The following FRMD4A variants were observed in gnomAD, a reference collection of about 807,000 sequenced individuals.
FRMD4A encodes FERM domain containing 4A.
A neutral mutation model predicts 129.1 loss-of-function variants in FRMD4A; 29 were observed. That is an observed-to-expected ratio of 0.22 (90% CI 0.17 to 0.31). FRMD4A has a LOEUF of 0.31. FRMD4A is among the 10% of genes least tolerant of loss of function. The pLI, the probability that FRMD4A is intolerant of heterozygous loss-of-function variation, is 1.00. For synonymous variants in FRMD4A, 634 were observed against 571.6 expected (o/e 1.11, Z -1.56); for missense variants, 1,272 against 1,375.8 (o/e 0.92, Z 1.19).
chr10:14,145,436 C>T (rs1360865929), intron 2 of FRMD4A, among the ~76,000 whole-genome samples: 5 of 152,158 alleles, frequency 3.3e-5, no homozygotes, highest in African/African-American at 1.2e-4. Context: ...TTTAAGAGGG[C>T]TGTGGACAAT....
chr10:13,893,959 T>C (rs2094729616), intron 2 of FRMD4A, among the ~76,000 whole-genome samples: 1 of 152,178 alleles, frequency 6.6e-6, no homozygotes, highest in South Asian at 2.1e-4. Flanking sequence ...CAATCCTGCC[T>C]CCAGGCTCCC....
chr10:13,810,653 C>T (rs372137454), intron 4 of FRMD4A, among the ~76,000 whole-genome samples, 161 bp downstream of exon 4: 2 of 152,184 alleles, frequency 1.3e-5, no homozygotes, highest in East Asian at 3.8e-4. Context: ...CCAGGCATGA[C>T]CACAAGGCCT....
rs772043730 is a variant in FRMD4A at position 13,701,443 on chromosome 10, C to G, written c.872G>C (p.Gly291Ala). Residue 291 changes from glycine (G) to alanine (A), a missense_variant, in exon 14 of 25, where the codon GGC becomes GCC. Gly to Ala is a moderately conservative substitution (Grantham distance 60). Around this residue, in one of 2 missense-constraint regions of FRMD4A, gnomAD observed 300 missense variants for 483.6 expected, o/e 0.62. Transcript: ENST00000357447. ...SVTRRTFGHS[G>A]IAVHTWYACP... is the part of the protein sequence containing the mutation. ...TGCATACCACGTGTGCACTGCAATG[C>G]CGCTGTGCCCAAACGTCCTCCTTGT... 1.2e-6 allele frequency: 2 copies of G among 1,613,630 alleles called. No homozygotes were observed. Among genetic ancestry groups the G allele is most frequent in the Admixed American group, 3.3e-5 (2 of 60,008 alleles).
chr10:13,732,674 G>A, intron 12 of FRMD4A, among the ~76,000 whole-genome samples: 1 of 152,348 alleles, frequency 6.6e-6, no homozygotes, highest in South Asian at 2.1e-4. Context: ...TCACTCCCTT[G>A]CCTGAGCATC....
intron 2 of FRMD4A, among the ~76,000 whole-genome samples, chr10:14,097,684 T>C (rs1046297769): frequency 5.9e-5 from 9 of 151,658 alleles, no homozygotes; most frequent in Admixed American, 5.3e-4. Flanking sequence ...TTAGTTTATA[T>C]ATAAACTAGT....
chr10:14,051,067 T>C (rs1834233765), intron 2 of FRMD4A, among the ~76,000 whole-genome samples: 1 of 152,210 alleles, frequency 6.6e-6, no homozygotes, highest in Non-Finnish European at 1.5e-5. Context: ...TGATTCCAGA[T>C]AGAAGGTGTC....
intron 8 of FRMD4A, among the ~76,000 whole-genome samples, chr10:13,752,704 C>T (rs1163759707): frequency 6.6e-6 from 1 of 152,154 alleles, no homozygotes. Context: ...ATTTTATGAG[C>T]AGAATCATGA....
chr10:14,321,687 G>A (rs979238489), intron 2 of FRMD4A, among the ~76,000 whole-genome samples: 1 of 152,162 alleles, frequency 6.6e-6, no homozygotes, highest in African/African-American at 2.4e-5. Context: ...TAACACTCTA[G>A]AAAAAGTACA....
rs147425136 is a variant in FRMD4A at position 13,814,043 on chromosome 10, G to A, written c.112-3135C>T. On this transcript the variant is annotated intron_variant, in intron 3 of 24. Coordinates refer to ENST00000357447, the MANE Select transcript of FRMD4A (RefSeq NM_018027.5). Reference sequence around the variant, plus strand: ...TGAGGCTTGTGTCAGATTTGTCAACGCGTTTTCACTGGTGATAAATCTTCC... The same window carrying A: ...TGAGGCTTGTGTCAGATTTGTCAACACGTTTTCACTGGTGATAAATCTTCC... Among the ~76,000 whole-genome samples the A allele has an allele frequency of 4.6e-4, 70 of 152,252 alleles. No homozygotes were observed. In the East Asian group the frequency reaches 0.012, roughly 26 times the overall value.
At chr10:14,219,719 C>T (rs1843185593) in intron 2 of FRMD4A, among the ~76,000 whole-genome samples, 1 of 152,154 alleles carries the variant, frequency 6.6e-6, no homozygotes, top group Non-Finnish European at 1.5e-5. Flanking sequence ...GACTGGGGAA[C>T]TTCAGAAGTG....
chr10:13,677,566 G>C (rs572085492), intron 15 of FRMD4A, among the ~76,000 whole-genome samples: 12 of 152,144 alleles, frequency 7.9e-5, no homozygotes, highest in Non-Finnish European at 1.6e-4. Context: ...AATCCATATA[G>C]TGTCATATTC....
At chr10:13,961,991 T>G (rs958579990) in intron 2 of FRMD4A, among the ~76,000 whole-genome samples, 1 of 152,072 alleles carries the variant, frequency 6.6e-6, no homozygotes, top group African/African-American at 2.4e-5. Context: ...GTCTGGTACA[T>G]AGAGGGTGTT....
chr10:14,281,119 A>T (rs188298784), intron 2 of FRMD4A, among the ~76,000 whole-genome samples: 67 of 148,786 alleles, frequency 4.5e-4, no homozygotes, highest in African/African-American at 1.6e-3. Flanking sequence ...CAGCCCCCCA[A>T]GTAGCTGAGA....
At chr10:13,958,459 A>AT (rs796880376) in intron 2 of FRMD4A, among the ~76,000 whole-genome samples, 1 of 149,602 alleles carries the variant, frequency 6.7e-6, no homozygotes, top group Non-Finnish European at 1.5e-5. Context: ...AATTTTTTGT[A>AT]TTTTTAGTAG....
chr10:14,304,507 C>T (rs139977843), intron 2 of FRMD4A, among the ~76,000 whole-genome samples: 1 of 152,314 alleles, frequency 6.6e-6, no homozygotes, highest in African/African-American at 2.4e-5. Context: ...TGCCATGTTA[C>T]CTGTCAGCAT....
intron 2 of FRMD4A, among the ~76,000 whole-genome samples, chr10:14,050,092 C>T (rs546350047): frequency 1.1e-4 from 16 of 152,262 alleles, no homozygotes; most frequent in South Asian, 2.1e-4. Flanking sequence ...GCTATGCCTC[C>T]GTTTTTTCCA....
intron 2 of FRMD4A, among the ~76,000 whole-genome samples, chr10:14,125,061 G>A (rs4306208): frequency 0.2 from 30,034 of 152,050 alleles, 2,970 homozygotes; most frequent in African/African-American, 0.21. Context: ...AAATGAGGTC[G>A]ACGAAAGTAA....
chr10:13,918,951 C>T (rs1267780335), intron 2 of FRMD4A, among the ~76,000 whole-genome samples: 1 of 151,558 alleles, frequency 6.6e-6, no homozygotes, highest in Non-Finnish European at 1.5e-5. Flanking sequence ...ATGATTCTAT[C>T]TGATGTCTTC....
intron 2 of FRMD4A, among the ~76,000 whole-genome samples, chr10:14,131,403 C>G (rs1018393200): frequency 6.6e-6 from 1 of 151,598 alleles, no homozygotes; most frequent in Non-Finnish European, 1.5e-5. Context: ...TGTGCCCCCC[C>G]CGGCCGCCCT....
Sources: allele counts gnomAD v4.1 joint callset (sites outside exome capture counted in the v4.1 genomes callset), GRCh38; gene constraint gnomAD v4.1.1; regional missense constraint gnomAD v4.1.1; transcripts MANE v1.5; gene names NCBI Gene and HGNC (gene_info 2026-07-23, HGNC 2026-07-21).